The following LRP1B variants were observed in gnomAD, a reference collection of about 807,000 sequenced individuals.
LRP1B encodes the protein LDL receptor related protein 1B.
LRP1B carries 217 observed loss-of-function variants against 556.6 expected under a neutral mutation model. The ratio of observed to expected loss-of-function variants is 0.39; its 90% confidence interval spans 0.35 to 0.44. LRP1B has a LOEUF of 0.44. Among genes scored for constraint, LRP1B ranks in the 20% least tolerant of loss-of-function variants. The pLI is 1.00. For missense variants in LRP1B, 5,053 were observed against 5,620.8 expected, an observed-to-expected ratio of 0.90 and a Z score of 3.23; for synonymous variants, 2,047 against 1,865.8, an observed-to-expected ratio of 1.10 and a Z score of -2.50.
chr2:141,993,200 A>C (rs928065784), intron 1 of LRP1B, among the ~76,000 whole-genome samples: 9 of 152,048 alleles, frequency 5.9e-5, no homozygotes, highest in Non-Finnish European at 1.2e-4. Flanking sequence ...TTACCCAAAG[A>C]CCAGGAATCT....
intron 16 of LRP1B, 96 bp downstream of exon 16, chr2:140,993,899 A>C: frequency 8.0e-7 from 1 of 1,249,800 alleles, no homozygotes; most frequent in South Asian, 1.4e-5. Flanking sequence ...AATCTGCATC[A>C]AAGGTATTTT....
chr2:141,643,646 A>G (rs914017133), intron 2 of LRP1B, among the ~76,000 whole-genome samples: 3 of 152,094 alleles, frequency 2.0e-5, no homozygotes, highest in African/African-American at 7.2e-5. Context: ...TTGTCCCACA[A>G]AAGTAGAAAA....
chr2:140,562,601 T>G (rs1480168575), intron 43 of LRP1B, among the ~76,000 whole-genome samples: 1 of 152,006 alleles, frequency 6.6e-6, no homozygotes. Flanking sequence ...TTTTTTAAAT[T>G]TCTTTTCTTT....
chr2:140,716,209 T>C, intron 36 of LRP1B, 107 bp from the exon 37 acceptor site: 1 of 768,142 alleles, frequency 1.3e-6, no homozygotes, highest in East Asian at 2.5e-5. Context: ...CAAGAAACTG[T>C]TTACTTCCTA....
In LRP1B at chr2:140,291,134, T is replaced by A. The variant is rs79083113; in HGVS notation, c.12967+6674A>T. On this transcript the variant is annotated intron_variant, in intron 84 of 90. Coordinates refer to ENST00000389484, the MANE Select transcript of LRP1B (RefSeq NM_018557.3). ...TGAGTGTGATTTATCTTGCCAGCCC[T>A]CCTGCTAATAGAAACAGGAAAAATA... Among the ~76,000 whole-genome samples, 1,060 of 151,382 alleles carry A rather than the reference T, an allele frequency of 7.0e-3. 12 individuals carry two copies. The highest frequency in any genetic ancestry group is 0.023 in the African/African-American group (933 of 41,426).
At chr2:142,130,238 G>T (rs1222493123) in intron 1 of LRP1B, among the ~76,000 whole-genome samples, 35 of 152,240 alleles carry the variant, frequency 2.3e-4, no homozygotes, top group Admixed American at 2.3e-3. Context: ...GAGCTAAGTT[G>T]AGGGCGGACA....
At chr2:141,564,217 A>G (rs1017419325) in intron 2 of LRP1B, among the ~76,000 whole-genome samples, 12 of 152,134 alleles carry the variant, frequency 7.9e-5, no homozygotes, top group Admixed American at 2.6e-4. Context: ...TGTGGACTAT[A>G]AGAGAGATAA....
chr2:141,174,933 A>G (rs999060368), intron 7 of LRP1B, among the ~76,000 whole-genome samples: 1 of 152,124 alleles, frequency 6.6e-6, no homozygotes. Context: ...GATTGAGATT[A>G]GGAACTTACT....
At chr2:140,598,561 G>T in intron 43 of LRP1B, 70 bp downstream of exon 43, 2 of 1,146,354 alleles carry the variant, frequency 1.7e-6, no homozygotes, top group Non-Finnish European at 2.6e-6. Context: ...CATTTTAGGA[G>T]AGTATAAATC....
chr2:141,155,536 G>T (rs1033047794), intron 7 of LRP1B, among the ~76,000 whole-genome samples: 1 of 151,084 alleles, frequency 6.6e-6, no homozygotes, highest in Non-Finnish European at 1.5e-5. Context: ...GTGCAGGTTT[G>T]TTACATAGGT....
chr2:140,547,826 T>C (rs184508198), intron 43 of LRP1B, among the ~76,000 whole-genome samples: 16 of 152,170 alleles, frequency 1.1e-4, no homozygotes, highest in Admixed American at 6.5e-4. Context: ...AGAGTTGTTC[T>C]AATTTTTTGT....
chr2:141,707,387 G>A (rs143369898), intron 2 of LRP1B, among the ~76,000 whole-genome samples: 71 of 152,166 alleles, frequency 4.7e-4, no homozygotes, highest in African/African-American at 1.6e-3. Flanking sequence ...TCCATTCCTA[G>A]GAAGGATCTG....
intron 3 of LRP1B, among the ~76,000 whole-genome samples, chr2:141,393,684 A>C (rs140430773): frequency 6.6e-6 from 1 of 152,174 alleles, no homozygotes; most frequent in Non-Finnish European, 1.5e-5. Flanking sequence ...CAAATTTAAC[A>C]GTATAATGTA....
Position 140,850,147 on chromosome 2 carries a change from G to A in LRP1B, c.4894C>T (p.Arg1632Ter), listed in dbSNP as rs1692413234. Residue 1632 changes from arginine (R) to a stop codon, truncating the protein, a stop_gained, in exon 29 of 91, where the codon CGA becomes TGA. Transcript: ENST00000389484. LOFTEE classifies it high-confidence loss of function. ...AACCCAGTTCCGTTAATAAAAGCTC[G>A]TTTAATGGTTTGTGTTTTAATATCT... is the stretch of plus-strand genomic sequence containing the variant. The part of the protein sequence containing the change: ...WTDIKTQTIK[R>*]AFINGTGLET... The A allele has an allele frequency of 1.9e-6, 3 of 1,613,518 alleles. No individual in the cohort carries two copies. Among genetic ancestry groups the A allele is most frequent in the Non-Finnish European group, 2.5e-6 (3 of 1,179,690 alleles).
At chr2:140,268,562 C>A (rs1682313890) in intron 86 of LRP1B, among the ~76,000 whole-genome samples, 1 of 151,976 alleles carries the variant, frequency 6.6e-6, no homozygotes, top group East Asian at 1.9e-4. Flanking sequence ...CATTATGACA[C>A]TGGTTATTAA....
intron 3 of LRP1B, among the ~76,000 whole-genome samples, chr2:141,454,903 T>C (rs568995676): frequency 3.9e-4 from 60 of 152,214 alleles, no homozygotes; most frequent in Non-Finnish European, 6.3e-4. Context: ...CGAAGAGAGC[T>C]AGGAAAATTC....
At chr2:141,029,245 G>A (rs778478256) in intron 11 of LRP1B, among the ~76,000 whole-genome samples, 3 of 152,114 alleles carry the variant, frequency 2.0e-5, no homozygotes, top group Admixed American at 6.6e-5. Flanking sequence ...AAGTCATTGC[G>A]TGGAACCCTT....
chr2:141,613,885 C>T (rs1471920088), intron 2 of LRP1B, among the ~76,000 whole-genome samples: 1 of 151,548 alleles, frequency 6.6e-6, no homozygotes, highest in Non-Finnish European at 1.5e-5. Context: ...CCAGCCTGGC[C>T]AAAATGGTGA....
chr2:140,574,125 G>C (rs1009605997), intron 43 of LRP1B, among the ~76,000 whole-genome samples: 2 of 151,828 alleles, frequency 1.3e-5, no homozygotes, highest in African/African-American at 4.8e-5. Context: ...TCCTGTAATT[G>C]GTTTAATTAA....
Sources: gnomAD v4.1 joint callset for allele counts (sites outside exome capture counted in the v4.1 genomes callset) on GRCh38, gnomAD v4.1.1 for gene constraint, MANE v1.5 for transcripts, NCBI Gene and HGNC (gene_info 2026-07-23, HGNC 2026-07-21) for gene names.